The following NEK7 variants were observed in gnomAD, a reference collection of about 807,000 sequenced individuals.
NEK7 encodes the protein serine/threonine-protein kinase Nek7.
In NEK7, 18 loss-of-function variants were observed where a neutral mutation model predicts 44.6. The ratio of observed to expected loss-of-function variants is 0.40; its 90% CI spans 0.28 to 0.60. NEK7 has a LOEUF of 0.60. Among genes scored for constraint, NEK7 ranks in the 20% least tolerant of loss-of-function variants. NEK7 has a pLI of 0.38. For synonymous variants in NEK7, 130 were observed against 121.1 expected, an observed-to-expected ratio of 1.07 and a Z score of -0.48; for missense variants, 256 against 366.5, an observed-to-expected ratio of 0.70 and a Z score of 2.46.
chr1:198,262,298 T>C (rs1343117885), intron 3 of NEK7, among the ~76,000 whole-genome samples: 1 of 151,968 alleles, frequency 6.6e-6, no homozygotes, highest in East Asian at 1.9e-4. Flanking sequence ...ATCATCTTAA[T>C]AATCACAACT....
chr1:198,212,798 G>A (rs1016813154), intron 1 of NEK7, among the ~76,000 whole-genome samples: 3 of 152,146 alleles, frequency 2.0e-5, no homozygotes, highest in African/African-American at 4.8e-5. Context: ...GCCACCTCCC[G>A]GCTGGAGGCC....
chr1:198,221,525 T>G (rs915180610), intron 1 of NEK7, among the ~76,000 whole-genome samples: 7 of 151,728 alleles, frequency 4.6e-5, no homozygotes. Context: ...AAACATATTT[T>G]TAAGCCTCAT....
intron 1 of NEK7, among the ~76,000 whole-genome samples, chr1:198,231,630 T>C (rs536196440): frequency 1.3e-5 from 2 of 151,988 alleles, no homozygotes; most frequent in Non-Finnish European, 1.5e-5. Context: ...TTTAAATACT[T>C]AGACCACATT....
chr1:198,227,715 G>A (rs1459025742), intron 1 of NEK7, among the ~76,000 whole-genome samples: 3 of 152,118 alleles, frequency 2.0e-5, no homozygotes, highest in Non-Finnish European at 4.4e-5. Context: ...TGATGGGGTT[G>A]TTTGTTTTTT....
intron 1 of NEK7, among the ~76,000 whole-genome samples, chr1:198,211,610 A>G (rs1665772168): frequency 6.6e-6 from 1 of 152,234 alleles, no homozygotes; most frequent in Admixed American, 6.5e-5. Context: ...TGAAGAAAGT[A>G]TAAAAAATAA....
At chr1:198,296,948 G>A (rs1025237971) in intron 8 of NEK7, among the ~76,000 whole-genome samples, 179 bp from the exon 9 acceptor site, 3 of 152,132 alleles carry the variant, frequency 2.0e-5, no homozygotes, top group African/African-American at 7.2e-5. Flanking sequence ...AAAAGTTGCA[G>A]TAAGATTTTT....
intron 1 of NEK7, among the ~76,000 whole-genome samples, chr1:198,194,667 A>G (rs1461931727): frequency 6.6e-6 from 1 of 152,158 alleles, no homozygotes; most frequent in Non-Finnish European, 1.5e-5. Flanking sequence ...TTATGACTGC[A>G]TGGTATTCCA....
intron 9 of NEK7, among the ~76,000 whole-genome samples, chr1:198,317,882 T>TTTA (rs1553258428): frequency 6.0e-5 from 8 of 133,920 alleles, no homozygotes; most frequent in Middle Eastern, 3.6e-3. Context: ...TATTTATTTT[T>TTTA]TTTTTTTTTT....
intron 8 of NEK7, among the ~76,000 whole-genome samples, chr1:198,296,178 C>G (rs1326109794): frequency 6.6e-6 from 1 of 152,164 alleles, no homozygotes; most frequent in Non-Finnish European, 1.5e-5. Flanking sequence ...CACACTCTGC[C>G]TGTCTGGGGA....
chr1:198,316,053 C>T (rs950447215), intron 9 of NEK7, among the ~76,000 whole-genome samples: 1 of 152,112 alleles, frequency 6.6e-6, no homozygotes, highest in Non-Finnish European at 1.5e-5. Context: ...GTAGATTTTT[C>T]AAAGGAAGAT....
intron 1 of NEK7, chr1:198,208,642 T>C (rs770531939): frequency 2.0e-5 from 3 of 152,190 alleles, no homozygotes; most frequent in Non-Finnish European, 4.4e-5. Flanking sequence ...AATGTGTGCA[T>C]ATTTCAGAAT....
intron 1 of NEK7, among the ~76,000 whole-genome samples, chr1:198,230,987 C>G (rs1166114238): frequency 6.6e-6 from 1 of 151,858 alleles, no homozygotes; most frequent in Non-Finnish European, 1.5e-5. Flanking sequence ...CCAAATTGAT[C>G]TTTAAGGTCA....
At chr1:198,172,048 T>C (rs1356954645) in intron 1 of NEK7, among the ~76,000 whole-genome samples, 1 of 152,242 alleles carries the variant, frequency 6.6e-6, no homozygotes, top group Non-Finnish European at 1.5e-5. Flanking sequence ...ATTGCCTTAG[T>C]TCTTTTTGTA....
chr1:198,230,282 T>A (rs1666347685), intron 1 of NEK7, among the ~76,000 whole-genome samples: 1 of 152,148 alleles, frequency 6.6e-6, no homozygotes, highest in Non-Finnish European at 1.5e-5. Context: ...GGATTATCCT[T>A]CATCCTCCTC....
intron 2 of NEK7, among the ~76,000 whole-genome samples, chr1:198,238,911 T>C (rs1460223058): frequency 6.6e-6 from 1 of 152,234 alleles, no homozygotes; most frequent in Admixed American, 6.5e-5. Flanking sequence ...GTTACACTTT[T>C]GCTTGTGATT....
chr1:198,226,054 A>G (rs569376289), intron 1 of NEK7, among the ~76,000 whole-genome samples: 3 of 152,210 alleles, frequency 2.0e-5, no homozygotes, highest in South Asian at 2.1e-4. Context: ...GATGACACAA[A>G]TGTGTCCCTG....
intron 1 of NEK7, among the ~76,000 whole-genome samples, chr1:198,217,937 A>C (rs543383984): frequency 6.6e-6 from 1 of 151,790 alleles, no homozygotes; most frequent in South Asian, 2.1e-4. Flanking sequence ...TGAAATAAAT[A>C]AAACAAATGG....
chr1:198,316,948 C>A (rs1655388208), intron 9 of NEK7, among the ~76,000 whole-genome samples: 1 of 152,214 alleles, frequency 6.6e-6, no homozygotes, highest in Non-Finnish European at 1.5e-5. Flanking sequence ...GTATCACCAG[C>A]ATAGTGTCTC....
chr1:198,278,083 A>G lies in NEK7; in HGVS notation c.481+14A>G, dbSNP rs1407574868. ...TCATGCATAGAGGTAAGATAAAATC[A>G]TTAAGTACTTTTAATCTTGTTTTAA... On this transcript the variant is annotated intron_variant, in intron 6 of 9. Transcript: ENST00000367385. 3.0e-6 allele frequency: 4 copies of G among 1,320,902 alleles called. No individual in the cohort carries two copies. The highest frequency in any genetic ancestry group is 4.4e-6 in the Non-Finnish European group (4 of 918,540). The allele number at this position is 1,320,902 out of a possible 1,614,324, so 81.8% of individuals were successfully genotyped here.
Sources: gnomAD v4.1 joint callset for allele counts (sites outside exome capture counted in the v4.1 genomes callset) on GRCh38, gnomAD v4.1.1 for gene constraint, MANE v1.5 for transcripts, NCBI Gene and HGNC (gene_info 2026-07-23, HGNC 2026-07-21) for gene names.